Variants in RBM22 observed in about 807,000 individuals in gnomAD.
The protein encoded by RBM22 is RNA binding motif protein 22, also known as pre-mRNA-splicing factor RBM22.
Under a neutral mutation model 50.1 loss-of-function variants are expected in RBM22, and 1 was observed. That is an observed-to-expected ratio of 0.02 (90% confidence interval 0.01 to 0.09). RBM22 has a LOEUF of 0.09. Among genes scored for constraint, RBM22 ranks in the 10% least tolerant of loss-of-function variants. The pLI, the probability that RBM22 is intolerant of heterozygous loss-of-function variation, is 1.00. For missense variants in RBM22, 264 were observed against 529.3 expected (o/e 0.50, Z 4.92); for synonymous variants, 152 against 179.0 (o/e 0.85, Z 1.20).
chr5:150,695,276 A>G (rs924523652), intron 7 of RBM22: 3 of 512,090 alleles, frequency 5.9e-6, no homozygotes, highest in African/African-American at 5.8e-5. Flanking sequence ...AGATCCTCCC[A>G]AAGTGTTGAG....
At position 150,691,438 on chromosome 5, in the gene RBM22, T is replaced by C. The variant is rs1445140826; in HGVS notation, c.*313A>G. The C allele has an allele frequency of 4.8e-6, 1 of 208,736 alleles. No homozygotes were observed. Among genetic ancestry groups the C allele is most frequent in the East Asian group, 1.0e-4 (1 of 9,664 alleles). 12.9% of individuals were successfully genotyped at this position (208,736 alleles called of 1,614,324 possible). A position where few individuals can be genotyped will look rare whatever the true frequency, so the allele number is the denominator to read the frequency against. ...AAAAATATACAAAATGAACATATAATTGGGAGGGTAACTCTGCTGGACATT... is the reference window on the plus strand; with the variant it reads ...AAAAATATACAAAATGAACATATAACTGGGAGGGTAACTCTGCTGGACATT... On this transcript the variant is annotated 3_prime_UTR_variant, in exon 11 of 11. Coordinates refer to ENST00000199814, the MANE Select transcript of RBM22 (RefSeq NM_018047.3).
chr5:150,695,562 A>G lies in RBM22; in HGVS notation c.690T>C (p.Thr230=), dbSNP rs1357937944. ...GACCACCAACATATAGTGTGGTGAT[A>G]GTTTTATCCTCTGGTGGGTCCAGCC... is the stretch of plus-strand genomic sequence containing the variant. ...MPRLDPPEDK[T]ITTLYVGGLG... is the part of the protein sequence containing the mutation. Residue 230 remains threonine (T), a synonymous_variant, in exon 7 of 11, where the codon ACT becomes ACC. Transcript: ENST00000199814. 6.2e-7 allele frequency: 1 copy of G among 1,614,094 alleles called. No homozygotes were observed. The highest frequency in any genetic ancestry group is 1.7e-5 in the Admixed American group (1 of 60,016).
chr5:150,694,195 C>T lies in RBM22; in HGVS notation c.792G>A (p.Val264=), dbSNP rs1184028116. ...QFGEIRTITV[V]QRQQCAFIQF... is the part of the protein sequence containing the mutation. The stretch of plus-strand genomic sequence containing the variant: ...GGATGAAAGCACACTGCTGTCTCTG[C>T]ACAACAGTGATCGTCCGGATCTCTC... Residue 264 remains valine (V), a synonymous_variant, in exon 8 of 11, where the codon GTG becomes GTA. Transcript: ENST00000199814. 1 of 1,614,180 alleles carries T rather than the reference C, an allele frequency of 6.2e-7. No homozygotes were observed. The highest frequency in any genetic ancestry group is 1.1e-5 in the South Asian group (1 of 91,086).
At chr5:150,695,364 A>G in intron 7 of RBM22, 142 bp downstream of exon 7, 1 of 762,258 alleles carries the variant, frequency 1.3e-6, no homozygotes, top group South Asian at 1.8e-5. Flanking sequence ...TTTTACAAAA[A>G]TTCCAGTCAG....
At chr5:150,692,072 C>CA (rs373058030) in intron 10 of RBM22, among the ~76,000 whole-genome samples, 191 bp from the exon 11 acceptor site, 3 of 152,088 alleles carry the variant, frequency 2.0e-5, no homozygotes, top group Non-Finnish European at 4.4e-5. Flanking sequence ...CCCCACAGTC[C>CA]AAAAAACTCC....
intron 9 of RBM22, 39 bp from the exon 10 acceptor site, chr5:150,693,065 C>CAATTG (rs1303563382): frequency 3.8e-6 from 6 of 1,580,728 alleles, no homozygotes; most frequent in Non-Finnish European, 4.3e-6. Flanking sequence ...GAGGGGAGAA[C>CAATTG]AATTGTGCAA....
intron 2 of RBM22, 120 bp downstream of exon 2, chr5:150,700,324 C>T: frequency 1.0e-6 from 1 of 968,306 alleles, no homozygotes; most frequent in Non-Finnish European, 1.6e-6. Context: ...AGTCGTCCAG[C>T]ACTTCGCGTT....
chr5:150,700,605 C>T (rs774795664), intron 1 of RBM22, 108 bp from the exon 2 acceptor site: 13 of 1,568,756 alleles, frequency 8.3e-6, no homozygotes, highest in Non-Finnish European at 1.0e-5. Context: ...GAACTAGGCA[C>T]GGCAGGAACC....
rs1759227822 is a variant in RBM22 at position 150,692,964 on chromosome 5, T to C, written c.1063A>G (p.Ser355Gly). Residue 355 changes from serine to glycine, a missense_variant, in exon 10 of 11, where the codon AGT becomes GGT. Around this residue, in one of 7 missense-constraint regions of RBM22, gnomAD observed 106 missense variants for 137.1 expected, o/e 0.77. Transcript: ENST00000199814. ...ASANYFNLPPSGPPAVVNIAL... is the reference protein window; with the variant it reads ...ASANYFNLPPGGPPAVVNIAL... Reference sequence around the variant, plus strand: ...ATGTTCACCACAGCTGGAGGACCACTTGGGGGCAAGTTGAAGTAGTTGGCA... The same window carrying C: ...ATGTTCACCACAGCTGGAGGACCACCTGGGGGCAAGTTGAAGTAGTTGGCA... 2 of 1,613,250 alleles carry C rather than the reference T, an allele frequency of 1.2e-6. No individual in the cohort carries two copies. Among genetic ancestry groups the C allele is most frequent in the Admixed American group, 1.7e-5 (1 of 59,908 alleles).
chr5:150,699,296 G>A (rs1430684634), intron 2 of RBM22, 25 bp from the exon 3 acceptor site: 2 of 1,550,052 alleles, frequency 1.3e-6, no homozygotes, highest in African/African-American at 1.4e-5. Context: ...AAATAGAAAA[G>A]AACTGGAGTT....
In RBM22 at chr5:150,696,091, T is replaced by C. The variant is rs983596984; in HGVS notation, c.546-385A>G. ...GAGAATCTGATTAAAGCTATGAACCTCGCCCCAGAGAAAGCACATACATTA... is the reference window on the plus strand; with the variant it reads ...GAGAATCTGATTAAAGCTATGAACCCCGCCCCAGAGAAAGCACATACATTA... On this transcript the variant is annotated intron_variant, in intron 6 of 10. Transcript: ENST00000199814. The surrounding 1 kb of genome is among the most constrained non-coding windows in gnomAD (Gnocchi z 4.3). 6.6e-6 allele frequency among the ~76,000 whole-genome samples: 1 copy of C among 150,752 alleles called. No individual in the cohort carries two copies. Among genetic ancestry groups the C allele is most frequent in the Non-Finnish European group, 1.5e-5 (1 of 67,742 alleles).
rs1379689936 is a variant in RBM22, at chr5:150,691,842, G to C, written c.1172C>G (p.Pro391Arg). Reference sequence around the variant, plus strand: ...TGGTCCTGGAGCCCGCATGAAAGGAGGGGGTGGTCCCATTGGGTGGAACAT... The same window carrying C: ...TGGTCCTGGAGCCCGCATGAAAGGACGGGGTGGTCCCATTGGGTGGAACAT... Reference protein sequence around the residue: ...PHMFHPMGPPPPFMRAPGPIH... With the variant: ...PHMFHPMGPPRPFMRAPGPIH... The change falls in exon 11 of 11, where the codon CCT (proline) becomes CGT (arginine). Residue 391 changes from proline to arginine, a missense_variant. By Grantham distance (103) the Pro-to-Arg change is moderately radical. Around this residue, in one of 7 missense-constraint regions of RBM22, gnomAD observed 106 missense variants for 137.1 expected, o/e 0.77. Coordinates refer to ENST00000199814, the MANE Select transcript of RBM22 (RefSeq NM_018047.3). 1.2e-6 allele frequency: 2 copies of C among 1,600,288 alleles called. No individual in the cohort carries two copies. Among genetic ancestry groups the C allele is most frequent in the Admixed American group, 1.7e-5 (1 of 58,162 alleles).
intron 10 of RBM22, among the ~76,000 whole-genome samples, chr5:150,692,184 G>T (rs1759217755): frequency 6.6e-6 from 1 of 152,148 alleles, no homozygotes; most frequent in African/African-American, 2.4e-5. Flanking sequence ...TGGGAGATAA[G>T]AAAGAAATCA....
At position 150,700,994 on chromosome 5, in the gene RBM22, C is replaced by A; in HGVS notation, c.-9G>T. ...CCCAGAGAGGTCGCCATCTTGAGAG[C>A]GTCCGGAGGTAGCTGTAGCTTCCGA... On this transcript the variant is annotated 5_prime_UTR_variant, in exon 1 of 11. Coordinates refer to ENST00000199814, the MANE Select transcript of RBM22 (RefSeq NM_018047.3). The A allele has an allele frequency of 6.2e-7, 1 of 1,614,206 alleles. No homozygotes were observed. Among genetic ancestry groups the A allele is most frequent in the South Asian group, 1.1e-5 (1 of 91,086 alleles).
chr5:150,700,295 C>T, intron 2 of RBM22, 149 bp downstream of exon 2: 1 of 715,300 alleles, frequency 1.4e-6, no homozygotes, highest in Non-Finnish European at 2.3e-6. Context: ...TAAGAGAATA[C>T]ACATGACAGT....
intron 10 of RBM22, among the ~76,000 whole-genome samples, chr5:150,692,572 C>T (rs1263126717): frequency 6.6e-6 from 1 of 152,074 alleles, no homozygotes; most frequent in African/African-American, 2.4e-5. Flanking sequence ...GACACCCGCT[C>T]ACAGCCCACA....
chr5:150,698,505 C>G lies in RBM22; in HGVS notation c.265G>C (p.Glu89Gln). The G allele has an allele frequency of 6.2e-7, 1 of 1,614,058 alleles. No individual in the cohort carries two copies. Among genetic ancestry groups the G allele is most frequent in the Non-Finnish European group, 8.5e-7 (1 of 1,179,984 alleles). ...NVCQTCLLDLEYGLPIQVRDA... is the reference protein window; with the variant it reads ...NVCQTCLLDLQYGLPIQVRDA... ...TTGGACAGGTCAAACATACCATACT[C>G]TAGGTCTAAGAGGCAGGTCTGACAG... The change falls in exon 4 of 11, where the codon GAG (glutamate) becomes CAG (glutamine). Residue 89 changes from glutamate (E) to glutamine (Q), a missense_variant. Coordinates refer to ENST00000199814, the MANE Select transcript of RBM22 (RefSeq NM_018047.3).
chr5:150,700,347 T>C, intron 2 of RBM22, 97 bp downstream of exon 2: 2 of 1,234,464 alleles, frequency 1.6e-6, no homozygotes, highest in Non-Finnish European at 2.3e-6. Context: ...TAAAAGAGCA[T>C]CATTTTTTCT....
chr5:150,698,488 G>T lies in RBM22; in HGVS notation c.271+11C>A. On this transcript the variant is annotated intron_variant, in intron 4 of 10. Coordinates refer to ENST00000199814, the MANE Select transcript of RBM22 (RefSeq NM_018047.3). ...GCACACTTTCAGATTTATTGGACAG[G>T]TCAAACATACCATACTCTAGGTCTA... The T allele has an allele frequency of 6.2e-7, 1 of 1,613,586 alleles. No individual in the cohort carries two copies. The highest frequency in any genetic ancestry group is 8.5e-7 in the Non-Finnish European group (1 of 1,179,756).
Sources: allele counts gnomAD v4.1 joint callset (sites outside exome capture counted in the v4.1 genomes callset), GRCh38; gene constraint gnomAD v4.1.1; regional missense constraint gnomAD v4.1.1; non-coding constraint Gnocchi (gnomAD v3.1); transcripts MANE v1.5; gene names NCBI Gene and HGNC (gene_info 2026-07-23, HGNC 2026-07-21).